ZNF652: variants seen among roughly 807,000 people sequenced by gnomAD.
ZNF652 encodes zinc finger protein 652.
In ZNF652, 16 loss-of-function variants were observed where a neutral mutation model predicts 45.2. The observed-to-expected ratio is 0.35, with a 90% CI of 0.24 to 0.54. The LOEUF is 0.54. Among genes scored for constraint, ZNF652 ranks in the 20% least tolerant of loss-of-function variants. The pLI, the probability that ZNF652 is intolerant of heterozygous loss-of-function variation, is 0.91. For missense variants in ZNF652, 614 were observed against 765.6 expected, an observed-to-expected ratio of 0.80 and a Z score of 2.34; for synonymous variants, 250 against 260.6, an observed-to-expected ratio of 0.96 and a Z score of 0.39.
At chr17:49,360,531 C>T (rs1041785391) in intron 1 of ZNF652, among the ~76,000 whole-genome samples, 2 of 152,128 alleles carry the variant, frequency 1.3e-5, no homozygotes, top group African/African-American at 4.8e-5. Context: ...ATACTGTGCA[C>T]GGTCCTGATA....
At chr17:49,302,827 T>C (rs1246537982) in intron 5 of ZNF652, among the ~76,000 whole-genome samples, 1 of 151,536 alleles carries the variant, frequency 6.6e-6, no homozygotes, top group Non-Finnish European at 1.5e-5. Context: ...CCGGGTGTGG[T>C]GGCACGCACC....
Position 49,317,390 on chromosome 17 carries a change from G to C in ZNF652, c.336C>G (p.Tyr112Ter). 6.2e-7 allele frequency: 1 copy of C among 1,613,950 alleles called. No individual in the cohort carries two copies. The highest frequency in any genetic ancestry group is 8.5e-7 in the Non-Finnish European group (1 of 1,180,016). ...CCTCCACTATGATCTGCTCCCTTTT[G>C]TAAGAGACTTCTTCCTCTTCCTCCT... ...DTEEEEEEVS[Y>*]KREQIIVEVN... Residue 112 changes from tyrosine (Y) to a stop codon, truncating the protein, a stop_gained, in exon 2 of 6, where the codon TAC becomes TAG. Coordinates refer to ENST00000430262, the MANE Select transcript of ZNF652 (RefSeq NM_001145365.3). LOFTEE classifies it high-confidence loss of function.
At chr17:49,338,762 G>C (rs1344934775) in intron 1 of ZNF652, among the ~76,000 whole-genome samples, 2 of 152,108 alleles carry the variant, frequency 1.3e-5, no homozygotes, top group East Asian at 3.8e-4. Flanking sequence ...GGGCTGAGGA[G>C]ACAGGATAAA....
At chr17:49,309,539 A>C (rs1267028162) in intron 5 of ZNF652, among the ~76,000 whole-genome samples, 4 of 149,338 alleles carry the variant, frequency 2.7e-5, no homozygotes, top group South Asian at 2.1e-4. Flanking sequence ...AAACCAAAAA[A>C]CCCCCCAAAA....
chr17:49,304,400 A>C (rs1461313419), intron 5 of ZNF652, among the ~76,000 whole-genome samples: 1 of 152,094 alleles, frequency 6.6e-6, no homozygotes, highest in Non-Finnish European at 1.5e-5. Flanking sequence ...TCTGCCTCTA[A>C]ATCTCATTAT....
chr17:49,298,473 C>A lies in ZNF652; in HGVS notation c.1761G>T (p.Gln587His). The A allele has an allele frequency of 3.7e-6, 6 of 1,613,084 alleles. No homozygotes were observed. The highest frequency in any genetic ancestry group is 5.1e-6 in the Non-Finnish European group (6 of 1,180,010). The change falls in exon 6 of 6, where the codon CAG becomes CAT. Residue 587 changes from glutamine (Q) to histidine (H), a missense_variant. Around this residue, in one of 5 missense-constraint regions of ZNF652, gnomAD observed 132 missense variants for 137.2 expected, o/e 0.96. Coordinates refer to ENST00000430262, the MANE Select transcript of ZNF652 (RefSeq NM_001145365.3). Reference sequence around the variant, plus strand: ...GGTGCCGCAGAAAGTTGTCCTCACTCTGGCCTCTATGATTTAAAGGCTCAC... The same window carrying A: ...GGTGCCGCAGAAAGTTGTCCTCACTATGGCCTCTATGATTTAAAGGCTCAC... ...FKSEPLNHRG[Q>H]SEDNFLRHLA...
rs566544908 is a variant in ZNF652 at position 49,337,181 on chromosome 17, T to A, written c.-258-19198A>T. 1.5e-4 allele frequency among the ~76,000 whole-genome samples: 22 copies of A among 151,218 alleles called. 1 individual carries two copies. In the South Asian group the frequency reaches 2.7e-3, roughly 19 times the overall value. On this transcript the variant is annotated intron_variant, in intron 1 of 5. Coordinates refer to ENST00000430262, the MANE Select transcript of ZNF652 (RefSeq NM_001145365.3). ...AGATCCCATGTCTACAAAAATTTTT[T>A]AAAAATTAGCCAGGTGTGGTGGTGC...
At chr17:49,338,671 G>C (rs1281381336) in intron 1 of ZNF652, among the ~76,000 whole-genome samples, 1 of 152,166 alleles carries the variant, frequency 6.6e-6, no homozygotes, top group African/African-American at 2.4e-5. Context: ...CAACTGGATA[G>C]AAGCACCTGA....
chr17:49,309,507 C>T (rs1338835368), intron 5 of ZNF652, among the ~76,000 whole-genome samples: 1 of 144,720 alleles, frequency 6.9e-6, no homozygotes, highest in Non-Finnish European at 1.5e-5. Context: ...GACTCCATCT[C>T]GGAAAAAAAA....
intron 1 of ZNF652, among the ~76,000 whole-genome samples, chr17:49,351,175 C>T (rs1375948493): frequency 6.6e-6 from 1 of 151,634 alleles, no homozygotes; most frequent in Non-Finnish European, 1.5e-5. Context: ...AATCCACATA[C>T]AAACACGTGT....
At chr17:49,321,595 A>G (rs1245355699) in intron 1 of ZNF652, among the ~76,000 whole-genome samples, 2 of 152,122 alleles carry the variant, frequency 1.3e-5, no homozygotes, top group Non-Finnish European at 2.9e-5. Context: ...AAAGCCACTG[A>G]GACCTTGCAT....
At position 49,296,639 on chromosome 17, in the gene ZNF652, G is replaced by A. The variant is rs186214210; in HGVS notation, c.*1774C>T. 2 of 152,224 alleles carry A rather than the reference G, an allele frequency of 1.3e-5. No individual in the cohort carries two copies. The highest frequency in any genetic ancestry group is 2.9e-5 in the Non-Finnish European group (2 of 68,008). The allele number at this position is 152,224 out of a possible 1,614,324, so 9.4% of individuals were successfully genotyped here. A position where few individuals can be genotyped will look rare whatever the true frequency, so the allele number is the denominator to read the frequency against. ...CCAGCTACTTGGTTAGCTGAGGCAG[G>A]GTTGCTTGAACCCAAGAGTTGGAGG... On this transcript the variant is annotated 3_prime_UTR_variant, in exon 6 of 6. Coordinates refer to ENST00000430262, the MANE Select transcript of ZNF652 (RefSeq NM_001145365.3).
Position 49,294,628 on chromosome 17 carries a change from G to A in ZNF652, c.*3785C>T, listed in dbSNP as rs2069447251. ...GTTTATATTTTACTGATAAATCTAT[G>A]AGAGAAAATAGAAAAATAAAAACGA... On this transcript the variant is annotated 3_prime_UTR_variant, in exon 6 of 6. Transcript: ENST00000430262. The A allele has an allele frequency of 6.6e-6, 1 of 152,114 alleles. No individual in the cohort carries two copies. The highest frequency in any genetic ancestry group is 6.5e-5 in the Admixed American group (1 of 15,270). The allele number at this position is 152,114 out of a possible 1,614,324, so 9.4% of individuals were successfully genotyped here. A position where few individuals can be genotyped will look rare whatever the true frequency, so the allele number is the denominator to read the frequency against.
At chr17:49,307,835 G>C (rs1288037515) in intron 5 of ZNF652, among the ~76,000 whole-genome samples, 1 of 152,068 alleles carries the variant, frequency 6.6e-6, no homozygotes, top group Admixed American at 6.6e-5. Context: ...AAGCACTTAA[G>C]ATAATGCCTG....
At chr17:49,352,896 A>G (rs2070297328) in intron 1 of ZNF652, among the ~76,000 whole-genome samples, 1 of 152,224 alleles carries the variant, frequency 6.6e-6, no homozygotes, top group Non-Finnish European at 1.5e-5. Flanking sequence ...TACATACTAT[A>G]TGAGTCCATG....
Position 49,359,297 on chromosome 17 carries a change from G to A in ZNF652, c.-259+2612C>T, listed in dbSNP as rs116803217. Among the ~76,000 whole-genome samples, 320 of 152,314 alleles carry A rather than the reference G, an allele frequency of 2.1e-3. 2 individuals carry two copies. The highest frequency in any genetic ancestry group is 7.4e-3 in the African/African-American group (307 of 41,570). Reference sequence around the variant, plus strand: ...TAAAGCACTGGCAGCATGTTTATGAGATAATAAAAAAGGCAATATTTGCAA... The same window carrying A: ...TAAAGCACTGGCAGCATGTTTATGAAATAATAAAAAAGGCAATATTTGCAA... On this transcript the variant is annotated intron_variant, in intron 1 of 5. Transcript: ENST00000430262.
intron 5 of ZNF652, among the ~76,000 whole-genome samples, chr17:49,308,008 A>C (rs1368628993): frequency 6.6e-6 from 1 of 152,214 alleles, no homozygotes; most frequent in Non-Finnish European, 1.5e-5. Context: ...ACATGAACAC[A>C]TAAACACTTA....
In ZNF652 at chr17:49,296,668, T is replaced by C. The variant is rs943315423; in HGVS notation, c.*1745A>G. On this transcript the variant is annotated 3_prime_UTR_variant, in exon 6 of 6. Coordinates refer to ENST00000430262, the MANE Select transcript of ZNF652 (RefSeq NM_001145365.3). ...GCTTGAACCCAAGAGTTGGAGGCTG[T>C]AGTGTGCTATAACTGCACCTGTGAA... 1.3e-5 allele frequency: 2 copies of C among 151,982 alleles called. No homozygotes were observed. The highest frequency in any genetic ancestry group is 2.4e-5 in the African/African-American group (1 of 41,364). The allele number at this position is 151,982 out of a possible 1,614,324, so 9.4% of individuals were successfully genotyped here.
chr17:49,316,892 G>C lies in ZNF652; in HGVS notation c.834C>G (p.Gly278=), dbSNP rs941262929. ...GCTCACTTTCCAGGACAAACTTCTT[G>C]CCACATTTATCACAAATCTGCATGC... is the stretch of plus-strand genomic sequence containing the variant. ...HRRMQICDKC[G]KKFVLESELS... Residue 278 remains glycine, a synonymous_variant, in exon 2 of 6, where the codon GGC becomes GGG. Transcript: ENST00000430262. 1 of 1,614,018 alleles carries C rather than the reference G, an allele frequency of 6.2e-7. No homozygotes were observed. The highest frequency in any genetic ancestry group is 1.3e-5 in the African/African-American group (1 of 74,978).
Sources: gnomAD v4.1 joint callset for allele counts (sites outside exome capture counted in the v4.1 genomes callset) on GRCh38, gnomAD v4.1.1 for gene constraint, gnomAD v4.1.1 regional missense constraint, MANE v1.5 for transcripts, NCBI Gene and HGNC (gene_info 2026-07-23, HGNC 2026-07-21) for gene names.